Variants in ERBB4 observed in about 807,000 individuals in gnomAD.
The protein encoded by ERBB4 is receptor tyrosine-protein kinase erbB-4.
In ERBB4, 42 loss-of-function variants were observed where a neutral mutation model predicts 158.0. The observed-to-expected ratio is 0.27, with a 90% CI of 0.21 to 0.34. ERBB4 has a LOEUF of 0.34. ERBB4 is among the 10% of genes least tolerant of loss of function. The pLI, the probability that ERBB4 is intolerant of heterozygous loss-of-function variation, is 1.00. For synonymous variants in ERBB4, 583 were observed against 558.7 expected (o/e 1.04, Z -0.61); for missense variants, 1,333 against 1,624.1 (o/e 0.82, Z 3.08).
At chr2:211,833,642 C>T (rs2077273970) in intron 3 of ERBB4, among the ~76,000 whole-genome samples, 1 of 151,796 alleles carries the variant, frequency 6.6e-6, no homozygotes, top group Non-Finnish European at 1.5e-5. Flanking sequence ...GGATTGGCAA[C>T]CAACCAAGGA....
chr2:212,515,059 GATAAA>G lies in ERBB4; in HGVS notation c.82+23385_82+23389del, dbSNP rs940073151. Among the ~76,000 whole-genome samples the G allele has an allele frequency of 7.7e-4, 118 of 152,278 alleles. 1 individual carries two copies. Among genetic ancestry groups the G allele is most frequent in the African/African-American group, 2.7e-3 (114 of 41,572 alleles). On this transcript the variant is annotated intron_variant, in intron 1 of 27. Transcript: ENST00000342788. ...ATTTATATAATAGGAAATATAAAATGATAAAATAGAAATGACTGCAACTTCATAAA... is the reference window on the plus strand; with the variant it reads ...ATTTATATAATAGGAAATATAAAATGATAGAAATGACTGCAACTTCATAAA...
intron 2 of ERBB4, among the ~76,000 whole-genome samples, chr2:211,953,410 A>G (rs1405385771): frequency 6.6e-6 from 1 of 150,886 alleles, no homozygotes; most frequent in Non-Finnish European, 1.5e-5. Flanking sequence ...AACAAAATAA[A>G]ATCTAATTTC....
rs142532239 is a variant in ERBB4, at chr2:211,387,879, G to A, written c.3183+66C>T. 2.7e-3 allele frequency: 3,271 copies of A among 1,220,326 alleles called. 17 individuals carry two copies. The highest frequency in any genetic ancestry group is 8.2e-3 in the South Asian group (685 of 83,240). The allele number at this position is 1,220,326 out of a possible 1,614,324, so 75.6% of individuals were successfully genotyped here. On this transcript the variant is annotated intron_variant, in intron 26 of 27. Transcript: ENST00000342788. Reference sequence around the variant, plus strand: ...AAATGAGGAAATTATGCAGAGACGAGAGAGGAAACATGGTAAGCAAAGACC... The same window carrying A: ...AAATGAGGAAATTATGCAGAGACGAAAGAGGAAACATGGTAAGCAAAGACC...
At chr2:211,475,594 C>T (rs1248100759) in intron 20 of ERBB4, among the ~76,000 whole-genome samples, 5 of 152,056 alleles carry the variant, frequency 3.3e-5, no homozygotes, top group Non-Finnish European at 5.9e-5. Context: ...ATACCAACTA[C>T]CGTATAACCT....
intron 3 of ERBB4, among the ~76,000 whole-genome samples, chr2:211,812,578 G>C (rs561220100): frequency 1.3e-5 from 2 of 152,336 alleles, no homozygotes; most frequent in South Asian, 4.1e-4. Flanking sequence ...CCTCAGAGCT[G>C]TCAGACAGGG....
chr2:211,469,912 G>T (rs55712017), intron 20 of ERBB4, among the ~76,000 whole-genome samples: 2,675 of 152,046 alleles, frequency 0.018, 43 homozygotes, highest in Middle Eastern at 0.048. Context: ...AGTGGGCTTG[G>T]GGGGGGAGAT....
At chr2:211,769,793 G>C (rs2106262643) in intron 4 of ERBB4, among the ~76,000 whole-genome samples, 1 of 152,274 alleles carries the variant, frequency 6.6e-6, no homozygotes, top group African/African-American at 2.4e-5. Flanking sequence ...ATGAAGGCCG[G>C]AAGACTCAGC....
At chr2:211,804,655 C>T (rs569667069) in intron 3 of ERBB4, among the ~76,000 whole-genome samples, 9 of 152,166 alleles carry the variant, frequency 5.9e-5, no homozygotes, top group South Asian at 4.1e-4. Flanking sequence ...TCTATAAACA[C>T]GCCAGGTAAT....
chr2:211,428,166 T>C (rs2063671729), intron 22 of ERBB4, among the ~76,000 whole-genome samples: 1 of 151,688 alleles, frequency 6.6e-6, no homozygotes, highest in South Asian at 2.1e-4. Flanking sequence ...GCCACATGTA[T>C]ACCTACGCAA....
rs200859491 is a variant in ERBB4, at chr2:211,700,857, CACA to C, written c.1489+1107_1489+1109del. Among the ~76,000 whole-genome samples, 1,209 of 152,172 alleles carry C rather than the reference CACA, an allele frequency of 7.9e-3. 7 individuals carry two copies. Among genetic ancestry groups the C allele is most frequent in the Non-Finnish European group, 0.011 (753 of 68,008 alleles). On this transcript the variant is annotated intron_variant, in intron 12 of 27. Transcript: ENST00000342788. ...TTTTAGAATGGATTGATTTTGTGCC[CACA>C]ACAAGAATATTCATTTGCAAACAGT...
At position 212,538,704 on chromosome 2, in the gene ERBB4, G is replaced by T; in HGVS notation, c.-174C>A. ...CGGGCGACCGAGTCCGCGCCCGCGG[G>T]TCCAGGGCCGGGGCCCGAGGAGGGG... On this transcript the variant is annotated 5_prime_UTR_variant, in exon 1 of 28. Transcript: ENST00000342788. 1 of 449,794 alleles carries T rather than the reference G, an allele frequency of 2.2e-6. No homozygotes were observed. The highest frequency in any genetic ancestry group is 3.8e-6 in the Non-Finnish European group (1 of 266,044). 27.9% of individuals were successfully genotyped at this position (449,794 alleles called of 1,614,324 possible).
At chr2:211,735,001 T>C (rs2074558029) in intron 5 of ERBB4, among the ~76,000 whole-genome samples, 3 of 150,138 alleles carry the variant, frequency 2.0e-5, no homozygotes, top group African/African-American at 7.4e-5. Context: ...ACAAAAGTGA[T>C]AGACGAATAG....
chr2:211,387,891 G>A (rs1442184630), intron 26 of ERBB4, 54 bp downstream of exon 26: 10 of 1,326,338 alleles, frequency 7.5e-6, no homozygotes, highest in Non-Finnish European at 1.1e-5. Context: ...GAGGAAACAT[G>A]GTAAGCAAAG....
At chr2:211,384,678 A>G (rs1476863519) in intron 27 of ERBB4, among the ~76,000 whole-genome samples, 1 of 152,188 alleles carries the variant, frequency 6.6e-6, no homozygotes, top group Non-Finnish European at 1.5e-5. Flanking sequence ...GATAGCTAAC[A>G]TGCCTCTAGT....
At chr2:212,283,892 C>T (rs2085855273) in intron 1 of ERBB4, among the ~76,000 whole-genome samples, 1 of 151,956 alleles carries the variant, frequency 6.6e-6, no homozygotes, top group South Asian at 2.1e-4. Context: ...GTTGTTATTC[C>T]TCATTGTTAT....
chr2:211,860,915 A>G (rs2077993472), intron 3 of ERBB4, among the ~76,000 whole-genome samples: 1 of 134,236 alleles, frequency 7.4e-6, no homozygotes. Flanking sequence ...ATTAGGAAAA[A>G]ACAAAGACAA....
At chr2:212,062,734 T>A (rs575759786) in intron 2 of ERBB4, among the ~76,000 whole-genome samples, 1 of 152,110 alleles carries the variant, frequency 6.6e-6, no homozygotes, top group Non-Finnish European at 1.5e-5. Flanking sequence ...AAATTCAGCA[T>A]CTCAGATGGA....
intron 1 of ERBB4, among the ~76,000 whole-genome samples, chr2:212,196,333 G>A (rs1361507212): frequency 2.0e-5 from 3 of 152,014 alleles, no homozygotes; most frequent in Non-Finnish European, 4.4e-5. Flanking sequence ...TCATTATAAC[G>A]GTCTTCATTC....
intron 2 of ERBB4, among the ~76,000 whole-genome samples, chr2:212,032,750 A>C (rs1017813526): frequency 1.3e-5 from 2 of 151,998 alleles, no homozygotes; most frequent in Non-Finnish European, 2.9e-5. Flanking sequence ...ACAGACTTCC[A>C]TATGGACATG....
Sources: gnomAD v4.1 joint callset for allele counts (sites outside exome capture counted in the v4.1 genomes callset) on GRCh38, gnomAD v4.1.1 for gene constraint, MANE v1.5 for transcripts, NCBI Gene and HGNC (gene_info 2026-07-23, HGNC 2026-07-21) for gene names.